AFG1L: variants seen among roughly 807,000 people sequenced by gnomAD.
AFG1L encodes the protein AFG1-like ATPase.
A neutral mutation model predicts 62.2 loss-of-function variants in AFG1L; 53 were observed. The ratio of observed to expected loss-of-function variants is 0.85; its 90% CI spans 0.68 to 1.07. The LOEUF (loss-of-function observed/expected upper bound fraction) is 1.07. AFG1L is among the 50% of genes least tolerant of loss of function. The pLI is 0.00. For synonymous variants in AFG1L, 228 were observed against 210.3 expected, an observed-to-expected ratio of 1.08 and a Z score of -0.73; for missense variants, 555 against 590.5, an observed-to-expected ratio of 0.94 and a Z score of 0.62.
chr6:108,405,570 C>G (rs1182718039), intron 7 of AFG1L, among the ~76,000 whole-genome samples: 1 of 152,184 alleles, frequency 6.6e-6, no homozygotes, highest in Non-Finnish European at 1.5e-5. Flanking sequence ...TGGTCTCAAA[C>G]TCCTGAACTC....
At chr6:108,305,642 A>G (rs1008065641) in intron 1 of AFG1L, among the ~76,000 whole-genome samples, 1 of 152,016 alleles carries the variant, frequency 6.6e-6, no homozygotes, top group Non-Finnish European at 1.5e-5. Context: ...CATATTGCCC[A>G]GGCTGGTCTT....
At chr6:108,510,188 T>A in intron 10 of AFG1L, 24 bp from the exon 11 acceptor site, 9 of 1,575,214 alleles carry the variant, frequency 5.7e-6, no homozygotes, top group Non-Finnish European at 7.7e-6. Flanking sequence ...TTTTTAAGTT[T>A]TCTTTTATTT....
At chr6:108,476,956 T>C (rs1411485784) in intron 9 of AFG1L, 21 bp downstream of exon 9, 1 of 1,597,440 alleles carries the variant, frequency 6.3e-7, no homozygotes, top group South Asian at 1.1e-5. Flanking sequence ...TAATTTCTCT[T>C]GAAAGAGAAT....
intron 6 of AFG1L, chr6:108,388,214 TAA>T (rs1780860671): frequency 6.6e-6 from 1 of 152,218 alleles, no homozygotes; most frequent in Non-Finnish European, 1.5e-5. Flanking sequence ...CAGAAATGTC[TAA>T]GTTTTGTTCT....
At chr6:108,509,437 G>A (rs1011833225) in intron 10 of AFG1L, among the ~76,000 whole-genome samples, 5 of 152,162 alleles carry the variant, frequency 3.3e-5, no homozygotes, top group African/African-American at 1.2e-4. Flanking sequence ...TTTTCATACT[G>A]AAGCACAGTC....
At chr6:108,467,447 C>T (rs1209188288) in intron 8 of AFG1L, among the ~76,000 whole-genome samples, 1 of 152,008 alleles carries the variant, frequency 6.6e-6, no homozygotes, top group Admixed American at 6.6e-5. Flanking sequence ...GGAGTTTCGC[C>T]ATATTAGCTA....
intron 7 of AFG1L, among the ~76,000 whole-genome samples, chr6:108,409,121 A>G (rs1481386100): frequency 6.6e-6 from 1 of 152,222 alleles, no homozygotes; most frequent in African/African-American, 2.4e-5. Flanking sequence ...CAACTGTGGA[A>G]ATAATACACA....
intron 11 of AFG1L, 97 bp from the exon 12 acceptor site, chr6:108,519,600 G>A: frequency 1.5e-6 from 1 of 679,480 alleles, no homozygotes; most frequent in Non-Finnish European, 2.6e-6. Flanking sequence ...CCAAGCTCCT[G>A]TATGTGAAAA....
chr6:108,367,359 G>A (rs1779804102), intron 6 of AFG1L, among the ~76,000 whole-genome samples: 1 of 152,126 alleles, frequency 6.6e-6, no homozygotes, highest in South Asian at 2.1e-4. Flanking sequence ...GTGGGTATGG[G>A]GTTTCAGGGT....
intron 1 of AFG1L, among the ~76,000 whole-genome samples, chr6:108,303,926 T>A (rs1165405417): frequency 8.5e-5 from 13 of 152,226 alleles, no homozygotes. Context: ...TGCTGGGCCA[T>A]GCCTGTAATT....
At chr6:108,404,572 C>T (rs1004669480) in intron 7 of AFG1L, among the ~76,000 whole-genome samples, 1 of 151,904 alleles carries the variant, frequency 6.6e-6, no homozygotes, top group Admixed American at 6.6e-5. Context: ...TCTTTATTCT[C>T]ATATTTTTTT....
At chr6:108,317,916 A>G (rs1777666901) in intron 1 of AFG1L, among the ~76,000 whole-genome samples, 1 of 152,158 alleles carries the variant, frequency 6.6e-6, no homozygotes, top group Non-Finnish European at 1.5e-5. Flanking sequence ...ATTATATATT[A>G]TTTGTTTAAT....
intron 8 of AFG1L, among the ~76,000 whole-genome samples, chr6:108,471,948 G>T (rs1433118004): frequency 6.6e-6 from 1 of 152,150 alleles, no homozygotes; most frequent in African/African-American, 2.4e-5. Context: ...TAAGGACGCA[G>T]TGTCCATTGA....
intron 3 of AFG1L, among the ~76,000 whole-genome samples, chr6:108,352,281 A>G (rs543420105): frequency 9.8e-5 from 15 of 152,314 alleles, no homozygotes; most frequent in African/African-American, 3.6e-4. Flanking sequence ...ACTTAGCAAA[A>G]TATCTTCAAG....
intron 6 of AFG1L, among the ~76,000 whole-genome samples, chr6:108,375,916 AT>A (rs1191671120): frequency 6.6e-6 from 1 of 152,070 alleles, no homozygotes; most frequent in Non-Finnish European, 1.5e-5. Context: ...GTCTGGTAGA[AT>A]TTGTGTGAAT....
intron 7 of AFG1L, among the ~76,000 whole-genome samples, chr6:108,416,744 G>T (rs145610086): frequency 0.044 from 6,707 of 152,062 alleles, 221 homozygotes; most frequent in South Asian, 0.11. Flanking sequence ...TGGACACAGG[G>T]TGAGGAACAT....
At chr6:108,461,966 G>A (rs904415051) in intron 8 of AFG1L, among the ~76,000 whole-genome samples, 15 of 152,074 alleles carry the variant, frequency 9.9e-5, no homozygotes, top group African/African-American at 3.6e-4. Context: ...GTGGTGGCAG[G>A]AGCCTGTAGT....
intron 7 of AFG1L, among the ~76,000 whole-genome samples, chr6:108,430,680 C>T (rs1053656752): frequency 1.3e-5 from 2 of 152,166 alleles, no homozygotes; most frequent in African/African-American, 4.8e-5. Flanking sequence ...ATTAACTGCA[C>T]AATAAATGAT....
intron 8 of AFG1L, among the ~76,000 whole-genome samples, chr6:108,465,461 A>C (rs1435338130): frequency 6.6e-6 from 1 of 152,184 alleles, no homozygotes; most frequent in African/African-American, 2.4e-5. Flanking sequence ...TGTTTTTCAT[A>C]TAGGCTTGTT....
Sources: gnomAD v4.1 joint callset for allele counts (sites outside exome capture counted in the v4.1 genomes callset) on GRCh38, gnomAD v4.1.1 for gene constraint, MANE v1.5 for transcripts, NCBI Gene and HGNC (gene_info 2026-07-23, HGNC 2026-07-21) for gene names.